The following UBN2 variants were observed in gnomAD, a reference collection of about 807,000 sequenced individuals.
The protein encoded by UBN2 is ubinuclein-2.
A neutral mutation model predicts 120.2 loss-of-function variants in UBN2; 35 were observed. That is an observed-to-expected ratio of 0.29 (90% CI 0.22 to 0.39). The LOEUF (loss-of-function observed/expected upper bound fraction) is 0.39, where lower values mean the gene tolerates loss of function less well. Among genes scored for constraint, UBN2 ranks in the 10% least tolerant of loss-of-function variants. The pLI is 1.00. For synonymous variants in UBN2, 661 were observed against 648.7 expected (o/e 1.02, Z -0.29); for missense variants, 1,693 against 1,663.2 (o/e 1.02, Z -0.31).
At position 139,258,522 on chromosome 7, in the gene UBN2, A is replaced by AAT. The variant is rs1452194685; in HGVS notation, c.701_702dup (p.Gly235MetfsTer38). On this transcript the variant is annotated frameshift_variant, in exon 4 of 18. Coordinates refer to ENST00000473989, the MANE Select transcript of UBN2 (RefSeq NM_173569.4). LOFTEE classifies it high-confidence loss of function. ...TTAGTTCCCGCTTCTCTAACAACAA[A>AAT]ATATGGAGGCTTTTATATCAACACT... 1 of 1,601,238 alleles carries AAT rather than the reference A, an allele frequency of 6.2e-7. No homozygotes were observed.
chr7:139,311,651 T>C (rs1798450037), downstream of UBN2, among the ~76,000 whole-genome samples: 1 of 152,240 alleles, frequency 6.6e-6, no homozygotes, highest in Non-Finnish European at 1.5e-5. Context: ...CTCCTCTGTC[T>C]TTTTACTTCT....
intron 6 of UBN2, among the ~76,000 whole-genome samples, chr7:139,264,577 T>G (rs895640211): frequency 2.0e-5 from 3 of 152,128 alleles, no homozygotes; most frequent in Admixed American, 1.3e-4. Context: ...ACACTATTTT[T>G]GTTTGTTTGT....
chr7:139,284,362 T>C lies in UBN2; in HGVS notation c.3457T>C (p.Ser1153Pro). ...GGCCCCCTCAAAGCTAACAAACTCA[T>C]CATCCACTGGAACTGTTGGGAAGAA... ...LQAPSKLTNS[S>P]STGTVGKNSL... Residue 1153 changes from serine to proline, a missense_variant, in exon 15 of 18, where the codon TCA becomes CCA. Ser to Pro is a moderately conservative substitution (Grantham distance 74). Coordinates refer to ENST00000473989, the MANE Select transcript of UBN2 (RefSeq NM_173569.4). 6.2e-7 allele frequency: 1 copy of C among 1,614,148 alleles called. No individual in the cohort carries two copies. The highest frequency in any genetic ancestry group is 8.5e-7 in the Non-Finnish European group (1 of 1,180,018).
At chr7:139,264,309 T>C (rs1302379124) in intron 6 of UBN2, among the ~76,000 whole-genome samples, 1 of 152,178 alleles carries the variant, frequency 6.6e-6, no homozygotes, top group Admixed American at 6.5e-5. Flanking sequence ...TATGGTTATT[T>C]TTTTCCCCCA....
Position 139,304,706 on chromosome 7 carries a change from G to GGGGTGTGTGTGT in UBN2, c.*6871_*6872insGGTGTGTGTGTG, listed in dbSNP as rs1554480228. 4 of 140,390 alleles carry GGGGTGTGTGTGT rather than the reference G, an allele frequency of 2.8e-5. No individual in the cohort carries two copies. Among genetic ancestry groups the GGGGTGTGTGTGT allele is most frequent in the African/African-American group, 1.1e-4 (4 of 38,034 alleles). 8.7% of individuals were successfully genotyped at this position (140,390 alleles called of 1,614,324 possible). A position where few individuals can be genotyped will look rare whatever the true frequency, so the allele number is the denominator to read the frequency against. The stretch of plus-strand genomic sequence containing the variant: ...AGGTCCACTGAATCTCTAATGATAG[G>GGGGTGTGTGTGT]GTGTGTGTGTGTGTGTGTGTGTGTG... On this transcript the variant is annotated 3_prime_UTR_variant, in exon 18 of 18. Coordinates refer to ENST00000473989, the MANE Select transcript of UBN2 (RefSeq NM_173569.4).
downstream of UBN2, among the ~76,000 whole-genome samples, chr7:139,309,471 G>A (rs1798418908): frequency 6.6e-6 from 1 of 152,024 alleles, no homozygotes; most frequent in South Asian, 2.1e-4. Context: ...AAAACCCTGT[G>A]GTTATGTAAT....
downstream of UBN2, chr7:139,308,309 C>T (rs193292702): frequency 4.8e-4 from 73 of 152,270 alleles, no homozygotes; most frequent in African/African-American, 1.8e-3. Flanking sequence ...GGAGTATCTG[C>T]TGTCCATATC....
At chr7:139,252,438 C>T (rs956299280) in intron 3 of UBN2, among the ~76,000 whole-genome samples, 5 of 151,970 alleles carry the variant, frequency 3.3e-5, no homozygotes, top group Non-Finnish European at 5.9e-5. Flanking sequence ...AGCATGGCTG[C>T]GTTACAATGA....
intron 7 of UBN2, among the ~76,000 whole-genome samples, chr7:139,268,459 C>T (rs953118474): frequency 3.3e-5 from 5 of 152,044 alleles, no homozygotes; most frequent in African/African-American, 1.2e-4. Flanking sequence ...ATTGGTGATG[C>T]CTTGCCATTG....
Position 139,284,384 on chromosome 7 carries a change from A to G in UBN2, c.3479A>G (p.Lys1160Arg). 6.2e-7 allele frequency: 1 copy of G among 1,614,224 alleles called. No homozygotes were observed. Among genetic ancestry groups the G allele is most frequent in the Admixed American group, 1.7e-5 (1 of 60,026 alleles). The change falls in exon 15 of 18, where the codon AAG becomes AGG. Residue 1160 changes from lysine to arginine, a missense_variant. This residue lies in a region of UBN2 where 837 missense variants were observed against 817.6 expected (regional missense o/e 1.02). Coordinates refer to ENST00000473989, the MANE Select transcript of UBN2 (RefSeq NM_173569.4). ...TNSSSTGTVG[K>R]NSLSGIAMNV... is the part of the protein sequence containing the mutation. ...TCATCATCCACTGGAACTGTTGGGA[A>G]GAACAGCTTGAGTGGAATTGCAATG...
chr7:139,239,618 C>T (rs1370962727), intron 2 of UBN2, among the ~76,000 whole-genome samples: 1 of 130,686 alleles, frequency 7.7e-6, no homozygotes, highest in Non-Finnish European at 1.5e-5. Flanking sequence ...AGTGCAATGG[C>T]GCTATCTCGG....
At chr7:139,268,866 A>G (rs1259331327) in intron 7 of UBN2, among the ~76,000 whole-genome samples, 1 of 152,058 alleles carries the variant, frequency 6.6e-6, no homozygotes, top group Non-Finnish European at 1.5e-5. Flanking sequence ...TTGAAGTTCT[A>G]CTCTTAAACT....
At chr7:139,292,108 G>T (rs1765984421) in intron 15 of UBN2, among the ~76,000 whole-genome samples, 3 of 151,932 alleles carry the variant, frequency 2.0e-5, no homozygotes, top group Non-Finnish European at 2.9e-5. Flanking sequence ...AAAAATGTTA[G>T]CCGGGTATAG....
At chr7:139,319,606 GAT>G in the UBN2 span, among the ~76,000 whole-genome samples, 3 of 152,082 alleles carry the variant, frequency 2.0e-5, no homozygotes, top group Non-Finnish European at 4.4e-5. Context: ...AATCAAAAAT[GAT>G]AAAAATTCCA....
At position 139,283,937 on chromosome 7, in the gene UBN2, G is replaced by A. The variant is rs746237215; in HGVS notation, c.3032G>A (p.Ser1011Asn). ...SRTVPSTTTS[S>N]NYLAKAMVSQ... ...ACAGTACCTAGCACCACTACCTCCA[G>A]TAACTATTTAGCCAAGGCTATGGTG... Residue 1011 changes from serine to asparagine, a missense_variant, in exon 15 of 18, where the codon AGT becomes AAT. Physicochemically the swap from Ser to Asn is conservative, Grantham distance 46. Around this residue, in one of 5 missense-constraint regions of UBN2, gnomAD observed 837 missense variants for 817.6 expected, o/e 1.02. Transcript: ENST00000473989. The A allele has an allele frequency of 1.2e-6, 2 of 1,613,880 alleles. No individual in the cohort carries two copies. The highest frequency in any genetic ancestry group is 1.7e-5 in the Admixed American group (1 of 59,972).
the UBN2 span, among the ~76,000 whole-genome samples, chr7:139,324,758 G>A: frequency 6.6e-6 from 1 of 151,962 alleles, no homozygotes; most frequent in Non-Finnish European, 1.5e-5. Flanking sequence ...ATCTCCTCAG[G>A]TCAGAAGTTC....
chr7:139,328,882 A>G, the UBN2 span, among the ~76,000 whole-genome samples: 5 of 152,044 alleles, frequency 3.3e-5, no homozygotes, highest in African/African-American at 9.6e-5. Context: ...AAGGAAAAGA[A>G]ATTAGAAACC....
intron 2 of UBN2, among the ~76,000 whole-genome samples, chr7:139,242,516 A>G (rs1181326389): frequency 1.3e-5 from 2 of 152,230 alleles, no homozygotes; most frequent in Non-Finnish European, 2.9e-5. Flanking sequence ...ATGATATTAC[A>G]TGTACAATAA....
At chr7:139,240,454 ATTT>A (rs10682001) in intron 2 of UBN2, among the ~76,000 whole-genome samples, 5 of 123,106 alleles carry the variant, frequency 4.1e-5, no homozygotes, top group African/African-American at 1.3e-4. Context: ...ATATATATAT[ATTT>A]TTTTTTTTAA....
Sources: gnomAD v4.1 joint callset for allele counts (sites outside exome capture counted in the v4.1 genomes callset) on GRCh38, gnomAD v4.1.1 for gene constraint, gnomAD v4.1.1 regional missense constraint, MANE v1.5 for transcripts, NCBI Gene and HGNC (gene_info 2026-07-23, HGNC 2026-07-21) for gene names.